The following RAP1GAP2 variants were observed in gnomAD, a reference collection of about 807,000 sequenced individuals.
RAP1GAP2 encodes rap1 GTPase-activating protein 2.
RAP1GAP2 carries 27 observed loss-of-function variants against 95.0 expected under a neutral mutation model. The ratio of observed to expected loss-of-function variants is 0.28; its 90% CI spans 0.21 to 0.39. RAP1GAP2 has a LOEUF of 0.39. Ranked by LOEUF, RAP1GAP2 falls within the 10% of genes least tolerant of loss-of-function variation. The pLI, the probability that RAP1GAP2 is intolerant of heterozygous loss-of-function variation, is 1.00. For synonymous variants in RAP1GAP2, 373 were observed against 380.9 expected, an observed-to-expected ratio of 0.98 and a Z score of 0.24; for missense variants, 771 against 970.0, an observed-to-expected ratio of 0.79 and a Z score of 2.72.
intron 10 of RAP1GAP2, 134 bp from the exon 11 acceptor site, chr17:2,984,849 C>G (rs2045500340): frequency 4.1e-6 from 6 of 1,453,202 alleles, no homozygotes; most frequent in Non-Finnish European, 5.5e-6. Flanking sequence ...TCTCTCTCTC[C>G]CTCCGTGTAT....
chr17:2,929,446 G>A (rs983100820), intron 3 of RAP1GAP2, among the ~76,000 whole-genome samples: 1 of 152,096 alleles, frequency 6.6e-6, no homozygotes, highest in South Asian at 2.1e-4. Context: ...CCATCTGCAG[G>A]GTGGAAGAAG....
chr17:2,758,700 A>G (rs1013153098), intron 1 of RAP1GAP2, among the ~76,000 whole-genome samples: 3 of 152,196 alleles, frequency 2.0e-5, no homozygotes, highest in East Asian at 1.9e-4. Flanking sequence ...GAGTCAGTTT[A>G]CTTTCCTTTT....
chr17:2,813,971 G>C (rs2069888792), intron 2 of RAP1GAP2, among the ~76,000 whole-genome samples: 1 of 149,856 alleles, frequency 6.7e-6, no homozygotes, highest in Non-Finnish European at 1.5e-5. Context: ...TCAAAAAAAA[G>C]AAAAAAGAAA....
rs758647627 is a variant in RAP1GAP2, at chr17:2,871,248, G to C, written c.81-34036G>C. Reference sequence around the variant, plus strand: ...TGGGATTACAGGCATGAGCCACTGCGCCCAGCCAAGGGCTAAACATTTTAA... The same window carrying C: ...TGGGATTACAGGCATGAGCCACTGCCCCCAGCCAAGGGCTAAACATTTTAA... On this transcript the variant is annotated intron_variant, in intron 2 of 24. Transcript: ENST00000254695. The surrounding 1 kb of genome is among the most constrained non-coding windows in gnomAD (Gnocchi z 5.0). 6.6e-6 allele frequency among the ~76,000 whole-genome samples: 1 copy of C among 152,220 alleles called. No homozygotes were observed. Among genetic ancestry groups the C allele is most frequent in the Non-Finnish European group, 1.5e-5 (1 of 68,046 alleles).
chr17:2,830,265 T>C (rs1365882584), intron 2 of RAP1GAP2, among the ~76,000 whole-genome samples: 2 of 150,694 alleles, frequency 1.3e-5, no homozygotes, highest in Non-Finnish European at 2.9e-5. Flanking sequence ...CACAAAAAAA[T>C]TAGCTGGGTG....
rs575458190 is a variant in RAP1GAP2 at position 2,902,109 on chromosome 17, C to T, written c.81-3175C>T. On this transcript the variant is annotated intron_variant, in intron 2 of 24. Coordinates refer to ENST00000254695, the MANE Select transcript of RAP1GAP2 (RefSeq NM_015085.5). The surrounding 1 kb of genome is among the most constrained non-coding windows in gnomAD (Gnocchi z 4.1). ...CTTCCTCGCCTCTTCTAGCCTCTGG[C>T]GGGGTCGGCAAGCCTCAGCATGCGT... Among the ~76,000 whole-genome samples, 9 of 152,326 alleles carry T rather than the reference C, an allele frequency of 5.9e-5. No homozygotes were observed. The highest frequency in any genetic ancestry group is 1.4e-4 in the African/African-American group (6 of 41,580).
chr17:3,006,120 C>CTTTTTTT (rs537126167), intron 16 of RAP1GAP2, 79 bp downstream of exon 16: 4 of 409,922 alleles, frequency 9.8e-6, no homozygotes, highest in Admixed American at 4.1e-5. Context: ...GCTCCTCCAT[C>CTTTTTTT]TTTTTTTTTT....
At chr17:2,922,634 G>T (rs951203592) in intron 3 of RAP1GAP2, among the ~76,000 whole-genome samples, 3 of 152,080 alleles carry the variant, frequency 2.0e-5, no homozygotes, top group African/African-American at 4.8e-5. Flanking sequence ...TCGCACAAAT[G>T]GGGTAGAGCA....
At chr17:2,984,892 C>T (rs1444174402) in intron 10 of RAP1GAP2, 91 bp from the exon 11 acceptor site, 2 of 1,566,578 alleles carry the variant, frequency 1.3e-6, no homozygotes. Flanking sequence ...CACATTCTCT[C>T]CCCAAATGGA....
chr17:2,934,054 G>A (rs911451596), intron 3 of RAP1GAP2, among the ~76,000 whole-genome samples: 3 of 152,268 alleles, frequency 2.0e-5, no homozygotes, highest in Non-Finnish European at 4.4e-5. Flanking sequence ...TTTGGTCACA[G>A]CCACGGATGG....
At chr17:2,822,624 T>TTG (rs2070354696) in intron 2 of RAP1GAP2, among the ~76,000 whole-genome samples, 1 of 131,318 alleles carries the variant, frequency 7.6e-6, no homozygotes, top group East Asian at 2.2e-4. Flanking sequence ...CCTGTTTTTT[T>TTG]TTGTTTTTTT....
intron 3 of RAP1GAP2, among the ~76,000 whole-genome samples, chr17:2,910,803 GCAACCTCCGT>G (rs1005743187): frequency 6.6e-6 from 1 of 152,106 alleles, no homozygotes; most frequent in Admixed American, 6.5e-5. Flanking sequence ...TCGGCTCCCT[GCAACCTCCGT>G]CTCCCAGGCT....
intron 2 of RAP1GAP2, among the ~76,000 whole-genome samples, chr17:2,864,154 A>C (rs757656923): frequency 6.6e-6 from 1 of 151,912 alleles, no homozygotes; most frequent in South Asian, 2.1e-4. Flanking sequence ...TGCAGACAGC[A>C]GCAGCCCTGC....
chr17:2,825,203 G>C lies in RAP1GAP2; in HGVS notation c.80+24653G>C, dbSNP rs1462755103. On this transcript the variant is annotated intron_variant, in intron 2 of 24. Transcript: ENST00000254695. The surrounding 1 kb of genome is among the most constrained non-coding windows in gnomAD (Gnocchi z 4.1). ...CCCACCTTGGCCTCCTAAATTGCTG[G>C]TATTATGGGTGTGAGCCACCACACC... Among the ~76,000 whole-genome samples the C allele has an allele frequency of 6.6e-6, 1 of 152,120 alleles. No individual in the cohort carries two copies. Among genetic ancestry groups the C allele is most frequent in the African/African-American group, 2.4e-5 (1 of 41,428 alleles).
intron 2 of RAP1GAP2, among the ~76,000 whole-genome samples, chr17:2,809,766 GCTT>G (rs1475144389): frequency 2.0e-5 from 3 of 152,222 alleles, no homozygotes; most frequent in Non-Finnish European, 4.4e-5. Context: ...ACCCCCTGGT[GCTT>G]CTTGTCTACA....
intron 3 of RAP1GAP2, among the ~76,000 whole-genome samples, chr17:2,936,217 A>C: frequency 6.9e-6 from 1 of 143,924 alleles, no homozygotes; most frequent in East Asian, 2.2e-4. Flanking sequence ...TTAACTCGTC[A>C]TTTAGCATTA....
chr17:2,908,735 G>C (rs964117422), intron 3 of RAP1GAP2, among the ~76,000 whole-genome samples: 1 of 152,014 alleles, frequency 6.6e-6, no homozygotes, highest in Non-Finnish European at 1.5e-5. Flanking sequence ...AAATTTTAGG[G>C]ACAGGGTCGT....
At chr17:2,899,309 C>T (rs2041946426) in intron 2 of RAP1GAP2, among the ~76,000 whole-genome samples, 1 of 152,026 alleles carries the variant, frequency 6.6e-6, no homozygotes. Flanking sequence ...GGAGCTTCCG[C>T]TATTCTCCTG....
intron 2 of RAP1GAP2, among the ~76,000 whole-genome samples, chr17:2,874,358 C>T (rs771078733): frequency 6.6e-6 from 1 of 152,124 alleles, no homozygotes; most frequent in Non-Finnish European, 1.5e-5. Flanking sequence ...AAATTCATAG[C>T]TCTTATCTAG....
Sources: gnomAD v4.1 joint callset for allele counts (sites outside exome capture counted in the v4.1 genomes callset) on GRCh38, gnomAD v4.1.1 for gene constraint, Gnocchi (gnomAD v3.1) non-coding constraint, MANE v1.5 for transcripts, NCBI Gene and HGNC (gene_info 2026-07-23, HGNC 2026-07-21) for gene names.